Variants in SYN3 observed in about 807,000 individuals in gnomAD.
SYN3 encodes the protein synapsin III.
A neutral mutation model predicts 65.8 loss-of-function variants in SYN3; 35 were observed. The ratio of observed to expected loss-of-function variants is 0.53; its 90% confidence interval spans 0.41 to 0.70. The LOEUF (loss-of-function observed/expected upper bound fraction) is 0.70, where lower values mean the gene tolerates loss of function less well. SYN3 is among the 30% of genes least tolerant of loss of function. SYN3 has a pLI of 0.00. For synonymous variants in SYN3, 270 were observed against 292.9 expected (o/e 0.92, Z 0.80); for missense variants, 680 against 749.0 (o/e 0.91, Z 1.08).
chr22:32,683,661 C>A (rs1262820261), intron 6 of SYN3, among the ~76,000 whole-genome samples: 1 of 152,040 alleles, frequency 6.6e-6, no homozygotes, highest in Non-Finnish European at 1.5e-5. Flanking sequence ...TTTCACATGG[C>A]CGTCTTCTAT....
At chr22:32,571,227 C>T (rs779053450) in intron 7 of SYN3, among the ~76,000 whole-genome samples, 2 of 152,104 alleles carry the variant, frequency 1.3e-5, no homozygotes, top group African/African-American at 2.4e-5. Flanking sequence ...CTCCCCTTCT[C>T]ATCCTCCTTT....
At chr22:32,943,626 T>C (rs1028371190) in intron 3 of SYN3, among the ~76,000 whole-genome samples, 3 of 152,194 alleles carry the variant, frequency 2.0e-5, no homozygotes, top group Admixed American at 1.3e-4. Flanking sequence ...ATGGACTAAA[T>C]GCTCCAATTA....
intron 6 of SYN3, among the ~76,000 whole-genome samples, chr22:32,706,934 C>G (rs1161532804): frequency 6.6e-6 from 1 of 152,196 alleles, no homozygotes; most frequent in Non-Finnish European, 1.5e-5. Context: ...ACATTTCTCT[C>G]TGCCTGCCCA....
At chr22:32,688,326 A>C (rs1024594397) in intron 6 of SYN3, among the ~76,000 whole-genome samples, 1 of 152,146 alleles carries the variant, frequency 6.6e-6, no homozygotes, top group African/African-American at 2.4e-5. Flanking sequence ...TTCTGGTTCT[A>C]CTGGCTGGGT....
chr22:32,511,316 T>C lies in SYN3; in HGVS notation c.*2376A>G, dbSNP rs1392604232. 6.6e-6 allele frequency among the ~76,000 whole-genome samples: 1 copy of C among 152,126 alleles called. No individual in the cohort carries two copies. The highest frequency in any genetic ancestry group is 2.4e-5 in the African/African-American group (1 of 41,432). ...ACCTCCCCCAAGCATGACTGTGGGA[T>C]ATTGACCCCAGGACCCCCACCTCCA... On this transcript the variant is annotated 3_prime_UTR_variant, in exon 14 of 14. Transcript: ENST00000358763.
intron 1 of SYN3, among the ~76,000 whole-genome samples, chr22:33,041,692 T>A (rs1341245199): frequency 6.6e-6 from 1 of 152,294 alleles, no homozygotes; most frequent in East Asian, 1.9e-4. Flanking sequence ...TTACCTGCCA[T>A]GCATGTCATG....
At chr22:32,517,044 G>T (rs933577342) in intron 13 of SYN3, among the ~76,000 whole-genome samples, 4 of 152,170 alleles carry the variant, frequency 2.6e-5, no homozygotes, top group African/African-American at 9.7e-5. Flanking sequence ...GGCCTGAGAG[G>T]AAACAGGATG....
rs377171043 is a variant in SYN3 at position 32,521,080 on chromosome 22, CATTT to C, written c.1319-2750_1319-2747del. Among the ~76,000 whole-genome samples the C allele has an allele frequency of 7.0e-4, 106 of 152,290 alleles. 3 individuals are homozygous for C. Among genetic ancestry groups the C allele is most frequent in the South Asian group, 5.2e-3 (25 of 4,820 alleles). ...GTATAGGCGAGTAGATGGGAGGTCA[CATTT>C]ATCTCAAACACCTCTAGGGCCAACC... On this transcript the variant is annotated intron_variant, in intron 12 of 13. Transcript: ENST00000358763.
chr22:32,538,474 A>G (rs1233067293), intron 8 of SYN3, among the ~76,000 whole-genome samples: 1 of 152,120 alleles, frequency 6.6e-6, no homozygotes. Context: ...GAGGGCCCCA[A>G]AATGTTAGAA....
Position 32,520,195 on chromosome 22 carries a change from T to G in SYN3, c.1319-1861A>C, listed in dbSNP as rs186943538. 3.4e-3 allele frequency among the ~76,000 whole-genome samples: 511 copies of G among 152,226 alleles called. 5 individuals are homozygous for G. The highest frequency in any genetic ancestry group is 0.011 in the African/African-American group (474 of 41,532). ...GGGGTCTCTGTCACCCAGGGTAGAG[T>G]GCAGTGGCATGGTCACACCGCAGCA... On this transcript the variant is annotated intron_variant, in intron 12 of 13. Transcript: ENST00000358763.
At chr22:32,829,187 T>C (rs1429846858) in intron 6 of SYN3, among the ~76,000 whole-genome samples, 3 of 152,198 alleles carry the variant, frequency 2.0e-5, no homozygotes, top group Non-Finnish European at 2.9e-5. Flanking sequence ...TTGCCGGCTT[T>C]AGTCCCAGGC....
At chr22:32,831,997 C>T (rs1266106874) in intron 6 of SYN3, among the ~76,000 whole-genome samples, 1 of 152,152 alleles carries the variant, frequency 6.6e-6, no homozygotes, top group East Asian at 1.9e-4. Flanking sequence ...TGTTACAGAT[C>T]AGCAATGTCC....
At chr22:32,530,561 T>C (rs1185204137) in intron 10 of SYN3, among the ~76,000 whole-genome samples, 1 of 151,466 alleles carries the variant, frequency 6.6e-6, no homozygotes, top group Non-Finnish European at 1.5e-5. Flanking sequence ...GGCAAGTTTC[T>C]TTTCCTCTAC....
intron 1 of SYN3, among the ~76,000 whole-genome samples, chr22:33,028,240 C>T (rs1025732543): frequency 6.6e-6 from 1 of 152,210 alleles, no homozygotes; most frequent in Non-Finnish European, 1.5e-5. Flanking sequence ...GTGAGGAGCA[C>T]AAGTGGAAAT....
chr22:32,673,318 C>T (rs1245129295), intron 6 of SYN3, among the ~76,000 whole-genome samples: 1 of 152,176 alleles, frequency 6.6e-6, no homozygotes, highest in Non-Finnish European at 1.5e-5. Flanking sequence ...CTCACTATCT[C>T]CTCCCCCAGA....
Position 32,510,540 on chromosome 22 carries a change from C to T in SYN3, c.*3152G>A, listed in dbSNP as rs1454254187. Among the ~76,000 whole-genome samples the T allele has an allele frequency of 6.6e-6, 1 of 152,188 alleles. No homozygotes were observed. The highest frequency in any genetic ancestry group is 2.4e-5 in the African/African-American group (1 of 41,442). ...GAAACTTGAGGACCTCATGGTTACA[C>T]CCTGCCCTACAAGTTTTCTCTTACC... On this transcript the variant is annotated 3_prime_UTR_variant, in exon 14 of 14. Transcript: ENST00000358763.
At chr22:32,869,686 C>A (rs990748737) in intron 4 of SYN3, among the ~76,000 whole-genome samples, 2 of 119,436 alleles carry the variant, frequency 1.7e-5, no homozygotes, top group African/African-American at 6.3e-5. Context: ...ACCAACACAT[C>A]TTGGTTTTTT....
intron 6 of SYN3, among the ~76,000 whole-genome samples, chr22:32,689,335 C>T (rs1383240975): frequency 3.3e-5 from 5 of 152,184 alleles, no homozygotes; most frequent in African/African-American, 4.8e-5. Context: ...ACCTAATGGC[C>T]GGGTGACTGT....
At chr22:32,657,519 G>A (rs1203727115) in intron 6 of SYN3, among the ~76,000 whole-genome samples, 2 of 152,246 alleles carry the variant, frequency 1.3e-5, no homozygotes, top group Non-Finnish European at 2.9e-5. Flanking sequence ...TCAGACAGGG[G>A]TGCTGGCCAA....
Sources: gnomAD v4.1 joint callset for allele counts (sites outside exome capture counted in the v4.1 genomes callset) on GRCh38, gnomAD v4.1.1 for gene constraint, MANE v1.5 for transcripts, NCBI Gene and HGNC (gene_info 2026-07-23, HGNC 2026-07-21) for gene names.